SLC35F4: variants seen among roughly 807,000 people sequenced by gnomAD.
SLC35F4 encodes the protein chromosome 14 open reading frame 36.
In SLC35F4, 24 loss-of-function variants were observed where a neutral mutation model predicts 44.2. That is an observed-to-expected ratio of 0.54 (90% confidence interval 0.39 to 0.76). SLC35F4 has a LOEUF of 0.76. SLC35F4 is among the 30% of genes least tolerant of loss of function. SLC35F4 has a pLI of 0.00. For synonymous variants in SLC35F4, 238 were observed against 223.6 expected, an observed-to-expected ratio of 1.06 and a Z score of -0.57; for missense variants, 562 against 586.1, an observed-to-expected ratio of 0.96 and a Z score of 0.42.
At chr14:57,695,485 C>T (rs11625894) in intron 1 of SLC35F4, among the ~76,000 whole-genome samples, 3 of 151,118 alleles carry the variant, frequency 2.0e-5, no homozygotes, top group East Asian at 1.9e-4. Flanking sequence ...CATCTCACAC[C>T]AGTTAGAATG....
intron 1 of SLC35F4, among the ~76,000 whole-genome samples, chr14:57,687,103 A>G (rs1051897198): frequency 6.6e-6 from 1 of 152,204 alleles, no homozygotes; most frequent in Non-Finnish European, 1.5e-5. Context: ...GAGAGGCCTC[A>G]GATGGAACCA....
At chr14:57,785,142 C>G (rs1182830617) in intron 1 of SLC35F4, among the ~76,000 whole-genome samples, 1 of 152,174 alleles carries the variant, frequency 6.6e-6, no homozygotes, top group Non-Finnish European at 1.5e-5. Context: ...CTAACCCCTG[C>G]CTGTGCAAAG....
At chr14:57,608,797 CGGCGG>C (rs1566677569) in intron 1 of SLC35F4, among the ~76,000 whole-genome samples, 248 of 7,524 alleles carry the variant, frequency 0.033, 16 homozygotes, top group Middle Eastern at 0.25. Flanking sequence ...CGGGGGGGGG[CGGCGG>C]GGGGAGAGAA....
At chr14:57,592,468 A>G (rs1242809895) in intron 2 of SLC35F4, among the ~76,000 whole-genome samples, 1 of 152,176 alleles carries the variant, frequency 6.6e-6, no homozygotes, top group African/African-American at 2.4e-5. Context: ...ATGATCTTTA[A>G]TGATATGGTA....
intron 1 of SLC35F4, among the ~76,000 whole-genome samples, chr14:57,656,829 T>C (rs1033165174): frequency 1.3e-5 from 2 of 152,170 alleles, no homozygotes; most frequent in African/African-American, 4.8e-5. Context: ...TTCTAGTCAA[T>C]TCCCCCAACA....
intron 1 of SLC35F4, among the ~76,000 whole-genome samples, chr14:57,702,331 TAA>T (rs5808935): frequency 2.7e-4 from 37 of 136,612 alleles, no homozygotes; most frequent in Middle Eastern, 4.0e-3. Context: ...TCATTTTCTT[TAA>T]AAAAAAAAAA....
chr14:57,571,591 A>C (rs1167937213), intron 5 of SLC35F4, among the ~76,000 whole-genome samples: 2 of 152,220 alleles, frequency 1.3e-5, no homozygotes, highest in East Asian at 3.8e-4. Flanking sequence ...GCTAGTCCAG[A>C]GTTTAAGTCT....
At chr14:57,830,934 G>A (rs910499751) in intron 1 of SLC35F4, among the ~76,000 whole-genome samples, 29 of 152,274 alleles carry the variant, frequency 1.9e-4, no homozygotes, top group African/African-American at 6.3e-4. Context: ...AACAGCACTT[G>A]TATAGAGAAC....
intron 1 of SLC35F4, among the ~76,000 whole-genome samples, chr14:57,980,399 G>C (rs1403891257): frequency 6.6e-6 from 1 of 152,204 alleles, no homozygotes; most frequent in Non-Finnish European, 1.5e-5. Context: ...AGAGAAAAAT[G>C]TTCTGGTGGG....
chr14:57,788,278 T>C (rs1422416160), intron 1 of SLC35F4, among the ~76,000 whole-genome samples: 2 of 151,920 alleles, frequency 1.3e-5, no homozygotes, highest in Non-Finnish European at 2.9e-5. Context: ...CAATTACTAA[T>C]AGACCTAAGA....
chr14:57,878,839 C>T (rs1464345268), intron 1 of SLC35F4, among the ~76,000 whole-genome samples: 1 of 152,132 alleles, frequency 6.6e-6, no homozygotes, highest in Admixed American at 6.6e-5. Flanking sequence ...TTCATTAATA[C>T]TGGTTATCAA....
At chr14:57,883,783 T>A (rs1334647091) in intron 1 of SLC35F4, among the ~76,000 whole-genome samples, 1 of 152,194 alleles carries the variant, frequency 6.6e-6, no homozygotes, top group African/African-American at 2.4e-5. Flanking sequence ...AGATTTGTAT[T>A]AACTTGGTCC....
intron 1 of SLC35F4, chr14:57,630,319 G>A: frequency 1.7e-6 from 1 of 577,738 alleles, no homozygotes; most frequent in East Asian, 3.2e-5. Flanking sequence ...AACTATAGAA[G>A]GTCGTATAGT....
At chr14:57,714,068 TTA>T (rs2140412102) in intron 1 of SLC35F4, among the ~76,000 whole-genome samples, 1 of 152,302 alleles carries the variant, frequency 6.6e-6, no homozygotes, top group Non-Finnish European at 1.5e-5. Flanking sequence ...AGCAGCCTCT[TTA>T]TATATGACAT....
chr14:57,644,826 G>A (rs1291670155), intron 1 of SLC35F4, among the ~76,000 whole-genome samples: 3 of 152,152 alleles, frequency 2.0e-5, no homozygotes, highest in African/African-American at 7.2e-5. Flanking sequence ...TCCAGTTTCA[G>A]CTTACTACAT....
intron 1 of SLC35F4, among the ~76,000 whole-genome samples, chr14:57,612,504 A>G (rs2071574575): frequency 6.6e-6 from 1 of 152,120 alleles, no homozygotes; most frequent in South Asian, 2.1e-4. Context: ...TTCTGTGCAC[A>G]CTGCACTTAA....
upstream of SLC35F4, among the ~76,000 whole-genome samples, chr14:57,866,456 T>A (rs537658070): frequency 6.6e-6 from 1 of 152,202 alleles, no homozygotes; most frequent in Non-Finnish European, 1.5e-5. Context: ...CGTTAGTCAG[T>A]CCTTGCAACT....
intron 1 of SLC35F4, among the ~76,000 whole-genome samples, chr14:57,717,213 C>A (rs62005207): frequency 0.39 from 59,770 of 151,492 alleles, 11,736 homozygotes; most frequent in Middle Eastern, 0.41. Context: ...TGCCTGGATA[C>A]TCAGTAGTAT....
At position 57,681,188 on chromosome 14, in the gene SLC35F4, A is replaced by C. The variant is rs528397594; in HGVS notation, c.104-87064T>G. Among the ~76,000 whole-genome samples the C allele has an allele frequency of 2.0e-5, 3 of 152,230 alleles. No homozygotes were observed. In the East Asian group the frequency reaches 5.8e-4, roughly 29 times the overall value. ...CCAAAACAGATATATAGACCAATGCAACAGAACAGAGGCCTCAGAAGTAAC... is the reference window on the plus strand; with the variant it reads ...CCAAAACAGATATATAGACCAATGCCACAGAACAGAGGCCTCAGAAGTAAC... On this transcript the variant is annotated intron_variant, in intron 1 of 7. Transcript: ENST00000556826.
Sources: allele counts gnomAD v4.1 joint callset (sites outside exome capture counted in the v4.1 genomes callset), GRCh38; gene constraint gnomAD v4.1.1; transcripts MANE v1.5; gene names NCBI Gene and HGNC (gene_info 2026-07-23, HGNC 2026-07-21).